FNTB: variants seen among roughly 807,000 people sequenced by gnomAD.
FNTB encodes protein farnesyltransferase subunit beta.
Under a neutral mutation model 59.4 loss-of-function variants are expected in FNTB, and 27 were observed. The observed-to-expected ratio is 0.45, with a 90% confidence interval of 0.34 to 0.63. FNTB has a LOEUF of 0.63. Ranked by LOEUF, FNTB falls within the 20% of genes least tolerant of loss-of-function variation. The pLI, the probability that FNTB is intolerant of heterozygous loss-of-function variation, is 0.02. For missense variants in FNTB, 449 were observed against 559.6 expected, an observed-to-expected ratio of 0.80 and a Z score of 1.99; for synonymous variants, 230 against 220.7, an observed-to-expected ratio of 1.04 and a Z score of -0.37.
At chr14:65,015,866 T>C in intron 4 of FNTB, 150 bp downstream of exon 4, 1 of 784,470 alleles carries the variant, frequency 1.3e-6, no homozygotes. Context: ...GGCAACTTCC[T>C]GAAACTCCTC....
intron 7 of FNTB, among the ~76,000 whole-genome samples, chr14:65,035,832 C>CTTTT (rs879845454): frequency 1.4e-5 from 2 of 144,730 alleles, no homozygotes; most frequent in Non-Finnish European, 3.0e-5. Flanking sequence ...CTGCGCCCAG[C>CTTTT]TTTTTTTTTT....
chr14:65,040,782 C>T lies in FNTB; in HGVS notation c.693-8C>T, dbSNP rs369112788. On this transcript the variant is annotated splice_region_variant and splice_polypyrimidine_tract_variant and intron_variant, in intron 7 of 11. Coordinates refer to ENST00000246166, the MANE Select transcript of FNTB (RefSeq NM_002028.4). ...CCACTCATTCTGCTTTTCTCAATCT[C>T]TTCTTAGGTGTCAGAACTGGGAAGG... is the stretch of plus-strand genomic sequence containing the variant. 8.1e-6 allele frequency: 13 copies of T among 1,612,140 alleles called. No homozygotes were observed. Among genetic ancestry groups the T allele is most frequent in the African/African-American group, 1.3e-5 (1 of 74,850 alleles).
intron 2 of FNTB, 49 bp downstream of exon 2, chr14:65,004,362 C>T (rs1197349670): frequency 4.4e-6 from 7 of 1,574,902 alleles, no homozygotes; most frequent in Non-Finnish European, 6.1e-6. Context: ...CACCACCATG[C>T]AGCAGCCTTT....
At position 65,054,697 on chromosome 14, in the gene FNTB, G is replaced by C; in HGVS notation, c.1182+8G>C. ...GTGCCCGAAAACGCTCTGGTAAGAC[G>C]GGTGCAGGGCTTCACACCCCTTCTC... On this transcript the variant is annotated splice_region_variant and intron_variant, in intron 11 of 11. Transcript: ENST00000246166. The surrounding 1 kb of genome is among the most constrained non-coding windows in gnomAD (Gnocchi z 4.4). 6.2e-7 allele frequency: 1 copy of C among 1,600,672 alleles called. No individual in the cohort carries two copies. Among genetic ancestry groups the C allele is most frequent in the Non-Finnish European group, 8.5e-7 (1 of 1,173,572 alleles).
rs527840158 is a variant in FNTB, at chr14:64,991,034, A to G, written c.144+3937A>G. Among the ~76,000 whole-genome samples, 1 of 152,302 alleles carries G rather than the reference A, an allele frequency of 6.6e-6. No individual in the cohort carries two copies. Among genetic ancestry groups the G allele is most frequent in the South Asian group, 2.1e-4 (1 of 4,822 alleles). On this transcript the variant is annotated intron_variant, in intron 1 of 11. Transcript: ENST00000246166. This position sits in a 1 kb window ranked among gnomAD's most constrained non-coding sequence, Gnocchi z 4.4. ...GTGCCATCTGGAATCATCCCATTGC[A>G]GACACTCTGATTCAGGCCAGTAGGT...
At chr14:65,034,785 G>T (rs1028134681) in intron 7 of FNTB, among the ~76,000 whole-genome samples, 10 of 152,296 alleles carry the variant, frequency 6.6e-5, no homozygotes, top group Admixed American at 5.2e-4. Flanking sequence ...CCACATCTGT[G>T]TGTCCTGGAG....
Position 64,994,296 on chromosome 14 carries a change from C to T in FNTB, c.144+7199C>T, listed in dbSNP as rs544456812. On this transcript the variant is annotated intron_variant, in intron 1 of 11. Coordinates refer to ENST00000246166, the MANE Select transcript of FNTB (RefSeq NM_002028.4). The surrounding 1 kb of genome is among the most constrained non-coding windows in gnomAD (Gnocchi z 4.2). Reference sequence around the variant, plus strand: ...AGTGTTGGGGACCCTAGTACAGTTACTTGATCCCTGGCCCCTAGAGTCTAA... The same window carrying T: ...AGTGTTGGGGACCCTAGTACAGTTATTTGATCCCTGGCCCCTAGAGTCTAA... 4.6e-5 allele frequency among the ~76,000 whole-genome samples: 7 copies of T among 152,306 alleles called. No homozygotes were observed. In the South Asian group the frequency reaches 1.4e-3, roughly 32 times the overall value.
chr14:65,025,340 T>G (rs2061960418), intron 4 of FNTB, among the ~76,000 whole-genome samples: 2 of 152,260 alleles, frequency 1.3e-5, no homozygotes. Flanking sequence ...AATGTGCTGT[T>G]AAGTTTTGTA....
At chr14:64,995,108 G>A (rs994544525) in intron 1 of FNTB, among the ~76,000 whole-genome samples, 5 of 151,740 alleles carry the variant, frequency 3.3e-5, no homozygotes, top group African/African-American at 7.3e-5. Context: ...AGACACAAAC[G>A]CACACATTAG....
At chr14:65,035,621 C>T (rs1005108033) in intron 7 of FNTB, among the ~76,000 whole-genome samples, 1 of 152,086 alleles carries the variant, frequency 6.6e-6, no homozygotes, top group African/African-American at 2.4e-5. Context: ...CCACCACCTC[C>T]TGGGCTCAAG....
In FNTB at chr14:65,031,867, G is replaced by A. The variant is rs1675875193; in HGVS notation, c.606-743G>A. ...ACCCAGGAGGCGGAGGTTGCAGTGA[G>A]CTGAGATCATACCACTGCACTCTAG... On this transcript the variant is annotated intron_variant, in intron 6 of 11. Transcript: ENST00000246166. The surrounding 1 kb of genome is among the most constrained non-coding windows in gnomAD (Gnocchi z 4.6). Among the ~76,000 whole-genome samples the A allele has an allele frequency of 1.3e-5, 2 of 152,122 alleles. 1 individual carries two copies. Among genetic ancestry groups the A allele is most frequent in the South Asian group, 4.1e-4 (2 of 4,826 alleles).
At chr14:65,056,332 C>G (rs537665153) in intron 11 of FNTB, among the ~76,000 whole-genome samples, 15 of 152,284 alleles carry the variant, frequency 9.9e-5, no homozygotes, top group African/African-American at 3.4e-4. Flanking sequence ...CAATTTTTTG[C>G]TATTACAGTG....
intron 4 of FNTB, among the ~76,000 whole-genome samples, chr14:65,024,103 TAAA>T (rs557949276): frequency 4.6e-5 from 6 of 129,702 alleles, no homozygotes; most frequent in African/African-American, 1.2e-4. Flanking sequence ...CTCCATCTCC[TAAA>T]AAAAAAAAAA....
Position 65,014,737 on chromosome 14 carries a change from C to T in FNTB, c.283-888C>T, listed in dbSNP as rs1211812543. ...GCTGAGGTGGGAGGATTGCTTGAGC[C>T]CGGGAGGTTGAGGCTGCAGTGAGCT... On this transcript the variant is annotated intron_variant, in intron 3 of 11. Coordinates refer to ENST00000246166, the MANE Select transcript of FNTB (RefSeq NM_002028.4). The surrounding 1 kb of genome is among the most constrained non-coding windows in gnomAD (Gnocchi z 5.1). Among the ~76,000 whole-genome samples, 1 of 152,040 alleles carries T rather than the reference C, an allele frequency of 6.6e-6. No individual in the cohort carries two copies. Among genetic ancestry groups the T allele is most frequent in the African/African-American group, 2.4e-5 (1 of 41,390 alleles).
chr14:65,059,108 G>A (rs1344987454), intron 11 of FNTB, among the ~76,000 whole-genome samples: 1 of 152,162 alleles, frequency 6.6e-6, no homozygotes, highest in South Asian at 2.1e-4. Context: ...CTGCAGCCTG[G>A]AACTCCTGGG....
At chr14:65,053,198 G>T in intron 9 of FNTB, 40 bp from the exon 10 acceptor site, 1 of 1,322,270 alleles carries the variant, frequency 7.6e-7, no homozygotes. Context: ...ATACTTGGCT[G>T]GATCTGCCGG....
chr14:65,039,595 T>A (rs779727295), intron 7 of FNTB, among the ~76,000 whole-genome samples: 14 of 152,160 alleles, frequency 9.2e-5, no homozygotes, highest in Non-Finnish European at 1.9e-4. Flanking sequence ...CCCTCTCCCA[T>A]CCCTATCCTT....
At chr14:65,021,282 C>A (rs997939739) in intron 4 of FNTB, among the ~76,000 whole-genome samples, 15 of 152,110 alleles carry the variant, frequency 9.9e-5, no homozygotes, top group African/African-American at 3.6e-4. Flanking sequence ...TTAAAAATTG[C>A]CTTTAACTTA....
At position 65,061,357 on chromosome 14, in the gene FNTB, C is replaced by A; in HGVS notation, c.*45C>A. The stretch of plus-strand genomic sequence containing the variant: ...CTCTTTGCTCACCCATCTCCCCAGT[C>A]AGACAAGGTTTATACGTTTCAATAC... On this transcript the variant is annotated 3_prime_UTR_variant, in exon 12 of 12. Transcript: ENST00000246166. 2.5e-6 allele frequency: 4 copies of A among 1,611,580 alleles called. No homozygotes were observed. The South Asian group carries it at 4.4e-5, about 18-fold the overall frequency.
Sources: allele counts gnomAD v4.1 joint callset (sites outside exome capture counted in the v4.1 genomes callset), GRCh38; gene constraint gnomAD v4.1.1; non-coding constraint Gnocchi (gnomAD v3.1); transcripts MANE v1.5; gene names NCBI Gene and HGNC (gene_info 2026-07-23, HGNC 2026-07-21).